MEOX2: variants seen among roughly 807,000 people sequenced by gnomAD.
The protein encoded by MEOX2 is homeobox protein MOX-2.
A neutral mutation model predicts 27.0 loss-of-function variants in MEOX2; 11 were observed. That is an observed-to-expected ratio of 0.41 (90% CI 0.26 to 0.68). The LOEUF is 0.68. Ranked by LOEUF, MEOX2 falls within the 30% of genes least tolerant of loss-of-function variation. MEOX2 has a pLI of 0.33. For missense variants in MEOX2, 436 were observed against 385.4 expected, an observed-to-expected ratio of 1.13 and a Z score of -1.10; for synonymous variants, 189 against 155.4, an observed-to-expected ratio of 1.22 and a Z score of -1.61.
At chr7:15,631,906 A>ATGTGTGTGTGTGTGTGTGTGTGTGTG (rs146116757) in intron 1 of MEOX2, among the ~76,000 whole-genome samples, 6,231 of 129,160 alleles carry the variant, frequency 0.048, 222 homozygotes, top group Non-Finnish European at 0.054. Context: ...CCAAGGTTAA[A>ATGTGTGTGTGTGTGTGTGTGTGTGTG]TGTGTGTGTG....
chr7:15,628,763 T>G (rs1211985649), intron 1 of MEOX2, among the ~76,000 whole-genome samples: 1 of 152,112 alleles, frequency 6.6e-6, no homozygotes, highest in Non-Finnish European at 1.5e-5. Flanking sequence ...TACAGATATG[T>G]CAGCATCCAC....
chr7:15,657,025 G>T (rs1278478343), intron 1 of MEOX2, among the ~76,000 whole-genome samples: 1 of 152,036 alleles, frequency 6.6e-6, no homozygotes, highest in African/African-American at 2.4e-5. Context: ...ACTTCTTTCT[G>T]ACCTCCATGG....
At position 15,669,214 on chromosome 7, in the gene MEOX2, C is replaced by T. The variant is rs189305384; in HGVS notation, c.517+16672G>A. On this transcript the variant is annotated intron_variant, in intron 1 of 2. Coordinates refer to ENST00000262041, the MANE Select transcript of MEOX2 (RefSeq NM_005924.5). ...GGTTTTCTCTACACTTCTTCTATAC[C>T]GCCAGTAAAACTTTACTACAAATTG... 2.1e-4 allele frequency among the ~76,000 whole-genome samples: 32 copies of T among 152,278 alleles called. 1 individual carries two copies. Among genetic ancestry groups the T allele is most frequent in the South Asian group, 2.1e-4 (1 of 4,832 alleles).
At chr7:15,642,254 C>T (rs1781573909) in intron 1 of MEOX2, among the ~76,000 whole-genome samples, 1 of 152,162 alleles carries the variant, frequency 6.6e-6, no homozygotes, top group Non-Finnish European at 1.5e-5. Context: ...GCCTTCAAGT[C>T]ACAGGTTTGT....
At chr7:15,672,380 T>C (rs1782113879) in intron 1 of MEOX2, among the ~76,000 whole-genome samples, 1 of 152,192 alleles carries the variant, frequency 6.6e-6, no homozygotes, top group African/African-American at 2.4e-5. Flanking sequence ...ATCTTATGTC[T>C]TACTTAAAAA....
chr7:15,631,932 G>GTGTGTGT (rs371386224), intron 1 of MEOX2, among the ~76,000 whole-genome samples: 1 of 149,838 alleles, frequency 6.7e-6, no homozygotes, highest in Non-Finnish European at 1.5e-5. Flanking sequence ...GTGTGTGTGT[G>GTGTGTGT]GAGAGAAAGA....
chr7:15,675,498 T>C (rs1782178289), intron 1 of MEOX2, among the ~76,000 whole-genome samples: 1 of 152,168 alleles, frequency 6.6e-6, no homozygotes, highest in African/African-American at 2.4e-5. Context: ...CTTCAAAATA[T>C]TTTACGAGAT....
chr7:15,625,464 C>A (rs1781288872), intron 2 of MEOX2, among the ~76,000 whole-genome samples: 1 of 152,176 alleles, frequency 6.6e-6, no homozygotes, highest in Non-Finnish European at 1.5e-5. Context: ...TATATTTCTA[C>A]TACCCATAAA....
intron 1 of MEOX2, among the ~76,000 whole-genome samples, chr7:15,652,369 G>A (rs932325074): frequency 1.2e-4 from 19 of 152,066 alleles, no homozygotes; most frequent in African/African-American, 4.6e-4. Context: ...TGGCATAAAA[G>A]CATGTAATAT....
At chr7:15,640,108 T>C (rs116038075) in intron 1 of MEOX2, among the ~76,000 whole-genome samples, 1 of 152,114 alleles carries the variant, frequency 6.6e-6, no homozygotes, top group Non-Finnish European at 1.5e-5. Context: ...ATTCTTCCTA[T>C]CCATGGGATG....
At chr7:15,646,824 GGTGACA>G (rs1259874687) in intron 1 of MEOX2, among the ~76,000 whole-genome samples, 2 of 151,830 alleles carry the variant, frequency 1.3e-5, no homozygotes, top group Non-Finnish European at 2.9e-5. Flanking sequence ...TCTTCTCTAA[GGTGACA>G]GTTGATTTTA....
chr7:15,653,367 T>A (rs567540504), intron 1 of MEOX2, among the ~76,000 whole-genome samples: 70 of 152,166 alleles, frequency 4.6e-4, no homozygotes, highest in African/African-American at 1.7e-3. Context: ...CTTTATGTAT[T>A]TTTGATGTTC....
intron 1 of MEOX2, among the ~76,000 whole-genome samples, chr7:15,635,971 C>G (rs1024512360): frequency 3.3e-5 from 5 of 151,928 alleles, no homozygotes; most frequent in African/African-American, 1.2e-4. Context: ...CTGGCATACC[C>G]AATAAAACGG....
intron 1 of MEOX2, among the ~76,000 whole-genome samples, chr7:15,649,758 A>G (rs1403621311): frequency 6.6e-6 from 1 of 152,058 alleles, no homozygotes; most frequent in Non-Finnish European, 1.5e-5. Context: ...GACAGCAATG[A>G]GTATGGGGTA....
At chr7:15,668,034 A>C (rs1209073592) in intron 1 of MEOX2, 1 of 152,150 alleles carries the variant, frequency 6.6e-6, no homozygotes, top group Middle Eastern at 3.2e-3. Flanking sequence ...CGTTTTTCTC[A>C]CATCCCGAGT....
intron 1 of MEOX2, chr7:15,668,395 A>T (rs923806861): frequency 1.3e-5 from 2 of 152,222 alleles, no homozygotes; most frequent in African/African-American, 4.8e-5. Context: ...ATATAACATT[A>T]AAAATGTGTG....
At chr7:15,643,806 A>G (rs1340918158) in intron 1 of MEOX2, among the ~76,000 whole-genome samples, 1 of 152,190 alleles carries the variant, frequency 6.6e-6, no homozygotes, top group East Asian at 1.9e-4. Context: ...AGATCAAGCC[A>G]TAAATCCCAT....
At chr7:15,648,123 A>T (rs187224898) in intron 1 of MEOX2, among the ~76,000 whole-genome samples, 304 of 152,098 alleles carry the variant, frequency 2.0e-3, no homozygotes, top group Middle Eastern at 3.4e-3. Context: ...ACAGGTATTT[A>T]AAAAAAATCA....
intron 1 of MEOX2, among the ~76,000 whole-genome samples, chr7:15,650,664 A>C (rs1781719985): frequency 1.3e-5 from 2 of 152,124 alleles, no homozygotes. Flanking sequence ...ATCATTGTAT[A>C]CAGGAGAGAG....
Sources: gnomAD v4.1 joint callset for allele counts (sites outside exome capture counted in the v4.1 genomes callset) on GRCh38, gnomAD v4.1.1 for gene constraint, MANE v1.5 for transcripts, NCBI Gene and HGNC (gene_info 2026-07-23, HGNC 2026-07-21) for gene names.